The following STK32B variants were observed in gnomAD, a reference collection of about 807,000 sequenced individuals.
The protein encoded by STK32B is serine/threonine-protein kinase 32B.
Under a neutral mutation model 52.6 loss-of-function variants are expected in STK32B, and 43 were observed. That is an observed-to-expected ratio of 0.82 (90% CI 0.64 to 1.05). STK32B has a LOEUF of 1.05. Ranked by LOEUF, STK32B falls within the 50% of genes least tolerant of loss-of-function variation. STK32B has a pLI of 0.00. For synonymous variants in STK32B, 238 were observed against 204.3 expected (o/e 1.17, Z -1.41); for missense variants, 621 against 534.6 (o/e 1.16, Z -1.59).
At chr4:5,026,291 A>G in the STK32B span, among the ~76,000 whole-genome samples, 3 of 152,186 alleles carry the variant, frequency 2.0e-5, no homozygotes, top group Non-Finnish European at 4.4e-5. Flanking sequence ...CTGAGGGGTT[A>G]TGGGATGTTC....
chr4:5,500,009 G>C lies in STK32B; in HGVS notation c.*926G>C, dbSNP rs904444016. Reference sequence around the variant, plus strand: ...TTACAGAGAGTATCCAATCGGTATTGGTGGAGCGGCTCCCTATTTATACAA... The same window carrying C: ...TTACAGAGAGTATCCAATCGGTATTCGTGGAGCGGCTCCCTATTTATACAA... On this transcript the variant is annotated 3_prime_UTR_variant, in exon 12 of 12. Coordinates refer to ENST00000282908, the MANE Select transcript of STK32B (RefSeq NM_018401.3). The C allele has an allele frequency of 6.6e-6, 1 of 152,192 alleles. No individual in the cohort carries two copies. The highest frequency in any genetic ancestry group is 2.4e-5 in the African/African-American group (1 of 41,440). The allele number at this position is 152,192 out of a possible 1,614,324, so 9.4% of individuals were successfully genotyped here.
chr4:5,084,545 A>T (rs915987909), intron 1 of STK32B, among the ~76,000 whole-genome samples: 1 of 152,242 alleles, frequency 6.6e-6, no homozygotes, highest in African/African-American at 2.4e-5. Flanking sequence ...CAAGTATGGA[A>T]AGAAAATAAG....
rs964188080 is a variant in STK32B, at chr4:5,339,638, C to T, written c.434+8245C>T. 4.6e-5 allele frequency among the ~76,000 whole-genome samples: 7 copies of T among 152,226 alleles called. No individual in the cohort carries two copies. In the South Asian group the frequency reaches 1.0e-3, roughly 23 times the overall value. The stretch of plus-strand genomic sequence containing the variant: ...TTGCTTCTTTCAAAGTAGCCACACT[C>T]GGAAGTGGAGGAATTATCCCACAAA... On this transcript the variant is annotated intron_variant, in intron 4 of 11. Transcript: ENST00000282908.
At chr4:5,221,945 A>G (rs1455331528) in intron 3 of STK32B, among the ~76,000 whole-genome samples, 1 of 152,014 alleles carries the variant, frequency 6.6e-6, no homozygotes, top group Non-Finnish European at 1.5e-5. Context: ...GGTCTCCTCC[A>G]TCACAAATAG....
intron 1 of STK32B, among the ~76,000 whole-genome samples, chr4:5,119,765 C>T (rs374228667): frequency 2.0e-5 from 3 of 152,370 alleles, no homozygotes; most frequent in East Asian, 1.9e-4. Context: ...TGTGAGCGAC[C>T]TAAATTTCAC....
chr4:5,189,444 A>G (rs577680942), intron 3 of STK32B, among the ~76,000 whole-genome samples: 2 of 152,148 alleles, frequency 1.3e-5, no homozygotes, highest in Admixed American at 6.5e-5. Context: ...TCACTTAGCA[A>G]TATGCGTTTT....
chr4:5,353,431 A>G (rs1416624954), intron 4 of STK32B, among the ~76,000 whole-genome samples: 1 of 147,462 alleles, frequency 6.8e-6, no homozygotes, highest in Admixed American at 6.6e-5. Context: ...CTTCTTCACA[A>G]CAAAGGAAGC....
At chr4:5,333,473 T>A (rs1165686452) in intron 4 of STK32B, among the ~76,000 whole-genome samples, 1 of 152,226 alleles carries the variant, frequency 6.6e-6, no homozygotes, top group African/African-American at 2.4e-5. Flanking sequence ...AGAAGCTCTT[T>A]AGTTTAATGA....
intron 3 of STK32B, among the ~76,000 whole-genome samples, chr4:5,327,865 A>G (rs1366624936): frequency 6.6e-6 from 1 of 152,204 alleles, no homozygotes; most frequent in East Asian, 1.9e-4. Flanking sequence ...TCTACTTCCA[A>G]TATAAAGCTA....
intron 3 of STK32B, among the ~76,000 whole-genome samples, chr4:5,187,144 G>A (rs1207108766): frequency 6.6e-6 from 1 of 152,176 alleles, no homozygotes; most frequent in Non-Finnish European, 1.5e-5. Context: ...AAGCCATGGG[G>A]TTTACCCAGG....
chr4:5,196,275 C>T (rs559457067), intron 3 of STK32B, among the ~76,000 whole-genome samples: 43 of 151,216 alleles, frequency 2.8e-4, no homozygotes, highest in Admixed American at 5.9e-4. Flanking sequence ...GATGCCACCC[C>T]GCGAGGTTCT....
At chr4:5,130,061 C>T (rs1275263271) in intron 1 of STK32B, among the ~76,000 whole-genome samples, 1 of 151,646 alleles carries the variant, frequency 6.6e-6, no homozygotes, top group African/African-American at 2.4e-5. Flanking sequence ...CTGATCATGA[C>T]AATTCCTAAA....
chr4:5,087,726 G>A (rs1382090737), intron 1 of STK32B, among the ~76,000 whole-genome samples: 1 of 150,772 alleles, frequency 6.6e-6, no homozygotes, highest in Non-Finnish European at 1.5e-5. Context: ...TAATAAAAAG[G>A]TCAACCCACC....
At chr4:5,355,193 G>T (rs949298454) in intron 4 of STK32B, among the ~76,000 whole-genome samples, 1 of 152,178 alleles carries the variant, frequency 6.6e-6, no homozygotes, top group Non-Finnish European at 1.5e-5. Context: ...CTGAAATAAC[G>T]TGTGATGCAT....
chr4:5,275,173 G>C (rs56983927), intron 3 of STK32B, among the ~76,000 whole-genome samples: 26,180 of 152,140 alleles, frequency 0.17, 5,130 homozygotes, highest in African/African-American at 0.48. Flanking sequence ...CATCTTGGGA[G>C]CTTTGGGAGC....
chr4:5,460,402 C>T lies in STK32B; in HGVS notation c.909+174C>T, dbSNP rs115879530. Among the ~76,000 whole-genome samples the T allele has an allele frequency of 8.9e-3, 1,363 of 152,318 alleles. 31 individuals are homozygous for T. The highest frequency in any genetic ancestry group is 0.031 in the African/African-American group (1,278 of 41,570). On this transcript the variant is annotated intron_variant, in intron 9 of 11. Coordinates refer to ENST00000282908, the MANE Select transcript of STK32B (RefSeq NM_018401.3). The surrounding 1 kb of genome is among the most constrained non-coding windows in gnomAD (Gnocchi z 4.8). The stretch of plus-strand genomic sequence containing the variant: ...TGAACTTGGGCCTGATTTCCAGGGT[C>T]CCAGCCGTACAGCTTCCCTCCTTGT...
intron 1 of STK32B, among the ~76,000 whole-genome samples, chr4:5,132,237 G>C (rs1715823995): frequency 6.6e-6 from 1 of 152,146 alleles, no homozygotes; most frequent in African/African-American, 2.4e-5. Context: ...GTGGACATTT[G>C]TGTGCATATG....
chr4:5,105,210 C>T (rs919771885), intron 1 of STK32B, among the ~76,000 whole-genome samples: 2 of 152,108 alleles, frequency 1.3e-5, no homozygotes, highest in Non-Finnish European at 2.9e-5. Context: ...TGGCTCATGC[C>T]TGTAATCCCA....
chr4:5,226,793 G>T (rs558680701), intron 3 of STK32B, among the ~76,000 whole-genome samples: 1 of 152,192 alleles, frequency 6.6e-6, no homozygotes, highest in African/African-American at 2.4e-5. Context: ...CCAGAGGTGT[G>T]TGTGTATAGA....
Sources: gnomAD v4.1 joint callset for allele counts (sites outside exome capture counted in the v4.1 genomes callset) on GRCh38, gnomAD v4.1.1 for gene constraint, Gnocchi (gnomAD v3.1) non-coding constraint, MANE v1.5 for transcripts, NCBI Gene and HGNC (gene_info 2026-07-23, HGNC 2026-07-21) for gene names.